The following BTRC variants were observed in gnomAD, a reference collection of about 807,000 sequenced individuals.
BTRC encodes F-box/WD repeat-containing protein 1A.
Under a neutral mutation model 85.5 loss-of-function variants are expected in BTRC, and 42 were observed. The ratio of observed to expected loss-of-function variants is 0.49; its 90% CI spans 0.38 to 0.64. The LOEUF (loss-of-function observed/expected upper bound fraction) is 0.64, where lower values mean the gene tolerates loss of function less well. BTRC is among the 30% of genes least tolerant of loss of function. The pLI is 0.00. For synonymous variants in BTRC, 255 were observed against 263.3 expected (o/e 0.97, Z 0.30); for missense variants, 594 against 743.5 (o/e 0.80, Z 2.34).
At position 101,374,786 on chromosome 10, in the gene BTRC, T is replaced by TA. The variant is rs35956327; in HGVS notation, c.48+20572dup. The stretch of plus-strand genomic sequence containing the variant: ...ACCCTAAAACTTAAAGTATAATAAA[T>TA]AAAAAAAAAAAAAAGAAAAGTTTAT... On this transcript the variant is annotated intron_variant, in intron 1 of 14. Transcript: ENST00000370187. Among the ~76,000 whole-genome samples, 117 of 145,490 alleles carry TA rather than the reference T, an allele frequency of 8.0e-4. No homozygotes were observed. In the East Asian group the frequency reaches 9.0e-3, roughly 11 times the overall value.
rs904642950 is a variant in BTRC at position 101,494,514 on chromosome 10, G to A, written c.324+15057G>A. 2.8e-4 allele frequency among the ~76,000 whole-genome samples: 42 copies of A among 152,200 alleles called. 1 individual carries two copies. Among genetic ancestry groups the A allele is most frequent in the South Asian group, 8.3e-4 (4 of 4,826 alleles). On this transcript the variant is annotated intron_variant, in intron 4 of 14. Coordinates refer to ENST00000370187, the MANE Select transcript of BTRC (RefSeq NM_033637.4). ...AATATTTTCTTAATTTTGAGAATGC[G>A]GAATATTGAGCAAGACATAATTATC...
chr10:101,473,465 CTTT>C (rs869163139), intron 3 of BTRC, among the ~76,000 whole-genome samples: 3 of 96,772 alleles, frequency 3.1e-5, no homozygotes, highest in Non-Finnish European at 1.9e-5. Flanking sequence ...TCTTTTTTCT[CTTT>C]TTTTTTTTTT....
At chr10:101,536,695 C>T in intron 12 of BTRC, 42 bp downstream of exon 12, 1 of 1,419,810 alleles carries the variant, frequency 7.0e-7, no homozygotes, top group African/African-American at 1.4e-5. Flanking sequence ...AAATCTACGT[C>T]TTAATCCTTC....
At chr10:101,490,649 A>C (rs1047007492) in intron 4 of BTRC, among the ~76,000 whole-genome samples, 6 of 152,126 alleles carry the variant, frequency 3.9e-5, no homozygotes, top group Admixed American at 6.5e-5. Context: ...TTTCTATAGC[A>C]CTTTGACATC....
At chr10:101,386,951 G>T (rs956568441) in intron 1 of BTRC, among the ~76,000 whole-genome samples, 2 of 152,178 alleles carry the variant, frequency 1.3e-5, no homozygotes, top group Non-Finnish European at 2.9e-5. Flanking sequence ...TGATTTTTGG[G>T]TTTGATGTGA....
intron 1 of BTRC, among the ~76,000 whole-genome samples, chr10:101,422,204 C>T (rs967899172): frequency 1.4e-4 from 21 of 152,276 alleles, no homozygotes; most frequent in African/African-American, 3.8e-4. Flanking sequence ...TTTTGATTTG[C>T]ATTTCTCTGA....
intron 5 of BTRC, among the ~76,000 whole-genome samples, chr10:101,522,368 A>AC (rs2062124148): frequency 1.8e-5 from 1 of 54,128 alleles, no homozygotes; most frequent in African/African-American, 7.6e-5. Flanking sequence ...AAAAAAAAAC[A>AC]AAAAAAAACA....
intron 5 of BTRC, among the ~76,000 whole-genome samples, chr10:101,523,372 G>GAAT (rs1161735395): frequency 2.0e-5 from 3 of 152,076 alleles, no homozygotes; most frequent in Non-Finnish European, 4.4e-5. Context: ...TGGTTTTTCT[G>GAAT]AATGCTTAAG....
intron 4 of BTRC, among the ~76,000 whole-genome samples, chr10:101,511,281 T>G (rs2061950060): frequency 6.6e-6 from 1 of 152,130 alleles, no homozygotes; most frequent in Admixed American, 6.5e-5. Flanking sequence ...CTCTTCCTTC[T>G]ATCTAGAAGG....
chr10:101,532,094 AAAC>A (rs2062292158), intron 7 of BTRC, among the ~76,000 whole-genome samples, 198 bp from the exon 8 acceptor site: 1 of 152,232 alleles, frequency 6.6e-6, no homozygotes, highest in African/African-American at 2.4e-5. Flanking sequence ...AAGTTCTAGG[AAAC>A]AACCTTTAAT....
At chr10:101,355,475 T>C (rs558755294) in intron 1 of BTRC, among the ~76,000 whole-genome samples, 1 of 152,342 alleles carries the variant, frequency 6.6e-6, no homozygotes, top group South Asian at 2.1e-4. Context: ...CTGATGCTTT[T>C]TGTATTTCCT....
chr10:101,461,369 ATTG>A (rs1482438855), intron 2 of BTRC, among the ~76,000 whole-genome samples: 2 of 152,078 alleles, frequency 1.3e-5, no homozygotes, highest in African/African-American at 2.4e-5. Flanking sequence ...TTTCAGTTGG[ATTG>A]TTGTTTTTTT....
intron 1 of BTRC, among the ~76,000 whole-genome samples, chr10:101,407,755 G>A (rs529297196): frequency 5.7e-5 from 8 of 139,334 alleles, no homozygotes; most frequent in African/African-American, 1.9e-4. Flanking sequence ...AGACAGTCTC[G>A]TTCTGTCGCC....
At chr10:101,474,573 A>G (rs548655186) in intron 3 of BTRC, among the ~76,000 whole-genome samples, 1 of 152,190 alleles carries the variant, frequency 6.6e-6, no homozygotes, top group African/African-American at 2.4e-5. Context: ...AGGGGAATTT[A>G]TATGTAATTT....
In BTRC at chr10:101,555,692, A is replaced by G. The variant is rs1359338636; in HGVS notation, c.*2569A>G. 1.3e-5 allele frequency: 2 copies of G among 152,674 alleles called. No homozygotes were observed. The highest frequency in any genetic ancestry group is 3.8e-4 in the East Asian group (2 of 5,208). 9.5% of individuals were successfully genotyped at this position (152,674 alleles called of 1,614,324 possible). A position where few individuals can be genotyped will look rare whatever the true frequency, so the allele number is the denominator to read the frequency against. ...CTAATCCCCAACTGGGCTAGAATAA[A>G]TGTAAAGTTTGACCTTTTTAAAACG... On this transcript the variant is annotated 3_prime_UTR_variant, in exon 15 of 15. Transcript: ENST00000370187.
At chr10:101,455,093 A>T (rs565493807) in intron 2 of BTRC, among the ~76,000 whole-genome samples, 2 of 149,516 alleles carry the variant, frequency 1.3e-5, no homozygotes, top group South Asian at 4.2e-4. Context: ...ACAGGGTCTC[A>T]CTCTGTCGCC....
At chr10:101,540,413 A>G (rs868602254) in intron 13 of BTRC, among the ~76,000 whole-genome samples, 1 of 152,204 alleles carries the variant, frequency 6.6e-6, no homozygotes, top group African/African-American at 2.4e-5. Context: ...AGCTTTGTCA[A>G]AAATGAATTG....
At chr10:101,510,482 C>T (rs1946674475) in intron 4 of BTRC, among the ~76,000 whole-genome samples, 1 of 151,244 alleles carries the variant, frequency 6.6e-6, no homozygotes, top group South Asian at 2.1e-4. Context: ...TGCACTCCAA[C>T]CTGAGCGACA....
intron 1 of BTRC, among the ~76,000 whole-genome samples, chr10:101,422,553 TC>T (rs1305289336): frequency 6.6e-6 from 1 of 152,260 alleles, no homozygotes; most frequent in East Asian, 1.9e-4. Flanking sequence ...CATGCCTATG[TC>T]CTGAATGGTA....
Sources: allele counts gnomAD v4.1 joint callset (sites outside exome capture counted in the v4.1 genomes callset), GRCh38; gene constraint gnomAD v4.1.1; transcripts MANE v1.5; gene names NCBI Gene and HGNC (gene_info 2026-07-23, HGNC 2026-07-21).